The following BMPER variants were observed in gnomAD, a reference collection of about 807,000 sequenced individuals.
BMPER encodes the protein BMP-binding endothelial regulator protein.
In BMPER, 45 loss-of-function variants were observed where a neutral mutation model predicts 87.3. The observed-to-expected ratio is 0.52, with a 90% CI of 0.41 to 0.66. The LOEUF (loss-of-function observed/expected upper bound fraction) is 0.66, where lower values mean the gene tolerates loss of function less well. Among genes scored for constraint, BMPER ranks in the 30% least tolerant of loss-of-function variants. The pLI is 0.00. For missense variants in BMPER, 784 were observed against 867.5 expected (o/e 0.90, Z 1.21); for synonymous variants, 326 against 316.2 (o/e 1.03, Z -0.33).
intron 2 of BMPER, among the ~76,000 whole-genome samples, chr7:33,911,585 G>C (rs555397380): frequency 7.2e-5 from 11 of 152,150 alleles, no homozygotes; most frequent in Non-Finnish European, 1.3e-4. Context: ...GGTTTTGGCT[G>C]GCATCATAAC....
intron 3 of BMPER, 24 bp downstream of exon 3, chr7:33,937,412 C>G (rs762629499): frequency 1.2e-6 from 2 of 1,604,060 alleles, no homozygotes; most frequent in East Asian, 4.5e-5. Context: ...TGGCCGTCTT[C>G]TCTTCTGGCT....
At position 34,039,785 on chromosome 7, in the gene BMPER, C is replaced by A. The variant is rs74586709; in HGVS notation, c.577-6521C>A. Among the ~76,000 whole-genome samples, 1,011 of 152,022 alleles carry A rather than the reference C, an allele frequency of 6.7e-3. 10 individuals carry two copies. The highest frequency in any genetic ancestry group is 0.023 in the African/African-American group (942 of 41,450). On this transcript the variant is annotated intron_variant, in intron 6 of 14. Transcript: ENST00000649409. ...TTTTAAAGTATTATATGCTCTGGGGCAGTAAGTGCACTGCCCTCTAGCTCT... is the reference window on the plus strand; with the variant it reads ...TTTTAAAGTATTATATGCTCTGGGGAAGTAAGTGCACTGCCCTCTAGCTCT...
intron 13 of BMPER, among the ~76,000 whole-genome samples, chr7:34,139,684 G>A (rs1454988202): frequency 6.6e-6 from 1 of 152,106 alleles, no homozygotes; most frequent in Non-Finnish European, 1.5e-5. Context: ...GTGATGACAC[G>A]ATGTTGAAAC....
intron 3 of BMPER, among the ~76,000 whole-genome samples, chr7:33,951,744 C>T (rs547363679): frequency 6.6e-6 from 1 of 152,116 alleles, no homozygotes; most frequent in South Asian, 2.1e-4. Context: ...TTCAATCTTC[C>T]TAGTTCAGCA....
Position 34,109,593 on chromosome 7 carries a change from A to T in BMPER, c.1745+23501A>T, listed in dbSNP as rs554561993. On this transcript the variant is annotated intron_variant, in intron 13 of 14. Coordinates refer to ENST00000649409, the MANE Select transcript of BMPER (RefSeq NM_001365308.1). ...CTTTCTCAGGTTTCTCTACTGGTAT[A>T]ATAAACAAAATAGTAAAAAGAGGTT... Among the ~76,000 whole-genome samples the T allele has an allele frequency of 9.7e-4, 148 of 152,344 alleles. 1 individual carries two copies. Among genetic ancestry groups the T allele is most frequent in the African/African-American group, 3.3e-3 (139 of 41,586 alleles).
At chr7:34,117,633 A>G (rs147264769) in intron 13 of BMPER, among the ~76,000 whole-genome samples, 76 of 152,192 alleles carry the variant, frequency 5.0e-4, no homozygotes, top group African/African-American at 1.6e-3. Context: ...TACTACTATA[A>G]TTTTTTCATT....
chr7:33,948,965 C>T (rs143708718), intron 3 of BMPER, among the ~76,000 whole-genome samples: 195 of 152,052 alleles, frequency 1.3e-3, no homozygotes, highest in African/African-American at 4.5e-3. Context: ...GAAATGAACT[C>T]GGCAGTTCTT....
rs889970235 is a variant in BMPER at position 34,153,101 on chromosome 7, G to A, written c.1886G>A (p.Cys629Tyr). ...TCCTTCTCTTTTTCAGCCACCCAGT[G>A]TAAGCATGGTGCTGTGTACGATACC... Reference protein sequence around the residue: ...EPQQNCAATQCKHGAVYDTCG... With the variant: ...EPQQNCAATQYKHGAVYDTCG... Residue 629 changes from cysteine (C) to tyrosine (Y), a missense_variant, in exon 15 of 15, where the codon TGT becomes TAT. Transcript: ENST00000649409. 1.9e-6 allele frequency: 3 copies of A among 1,614,016 alleles called. No individual in the cohort carries two copies. Among genetic ancestry groups the A allele is most frequent in the Non-Finnish European group, 2.5e-6 (3 of 1,179,920 alleles).
At chr7:33,921,108 T>C (rs1043148743) in intron 2 of BMPER, among the ~76,000 whole-genome samples, 1 of 152,206 alleles carries the variant, frequency 6.6e-6, no homozygotes, top group Non-Finnish European at 1.5e-5. Flanking sequence ...TAACCCTTAC[T>C]CCTCTCTCCT....
chr7:34,070,836 T>TTTC (rs1554313846), intron 11 of BMPER, among the ~76,000 whole-genome samples: 1 of 147,898 alleles, frequency 6.8e-6, no homozygotes, highest in East Asian at 1.9e-4. Flanking sequence ...TTTTTTTTTT[T>TTTC]AATTTCTACT....
chr7:34,088,640 A>C (rs973027625), intron 13 of BMPER, among the ~76,000 whole-genome samples: 5 of 152,162 alleles, frequency 3.3e-5, no homozygotes, highest in Admixed American at 3.3e-4. Context: ...CTTTATCGAA[A>C]GAACTGATAC....
At chr7:34,076,977 G>A (rs1032301643) in intron 11 of BMPER, among the ~76,000 whole-genome samples, 1 of 152,166 alleles carries the variant, frequency 6.6e-6, no homozygotes, top group African/African-American at 2.4e-5. Flanking sequence ...TGGAGTTAAG[G>A]ACCTGGAAAA....
At chr7:34,116,359 C>T (rs1406862609) in intron 13 of BMPER, among the ~76,000 whole-genome samples, 4 of 151,924 alleles carry the variant, frequency 2.6e-5, no homozygotes, top group African/African-American at 9.7e-5. Flanking sequence ...AGTTTTTTTT[C>T]CACCTGCCTT....
chr7:33,965,940 A>T (rs1453498166), intron 3 of BMPER, among the ~76,000 whole-genome samples: 3 of 152,226 alleles, frequency 2.0e-5, no homozygotes, highest in Non-Finnish European at 4.4e-5. Flanking sequence ...GTAAGTATGA[A>T]ATTATAGCTC....
intron 13 of BMPER, among the ~76,000 whole-genome samples, chr7:34,089,849 G>A (rs947583501): frequency 1.3e-5 from 2 of 152,112 alleles, no homozygotes; most frequent in African/African-American, 4.8e-5. Context: ...ATTTTTAATA[G>A]TAAACAGTCC....
chr7:34,066,197 A>C (rs1353291437), intron 11 of BMPER, among the ~76,000 whole-genome samples: 1 of 152,220 alleles, frequency 6.6e-6, no homozygotes, highest in Non-Finnish European at 1.5e-5. Context: ...AACAGTCAGC[A>C]GTAATGGTAA....
chr7:33,915,673 G>T (rs1013918343), intron 2 of BMPER, among the ~76,000 whole-genome samples: 2 of 152,132 alleles, frequency 1.3e-5, no homozygotes, highest in Non-Finnish European at 2.9e-5. Context: ...GTTGGCTGTG[G>T]GCATTAACTG....
intron 2 of BMPER, among the ~76,000 whole-genome samples, chr7:33,928,113 C>G (rs761032306): frequency 3.9e-5 from 6 of 152,114 alleles, no homozygotes; most frequent in Non-Finnish European, 7.4e-5. Flanking sequence ...CCGCACCGAC[C>G]CCATCCCACA....
In BMPER at chr7:33,921,191, G is replaced by T. The variant is rs559391578; in HGVS notation, c.219+14288G>T. ...GAAGCTTCTTCAGGGTAGGAATAGC[G>T]TCTAATTCTCATGATCAAAATATCT... On this transcript the variant is annotated intron_variant, in intron 2 of 14. Coordinates refer to ENST00000649409, the MANE Select transcript of BMPER (RefSeq NM_001365308.1). Among the ~76,000 whole-genome samples, 10 of 152,276 alleles carry T rather than the reference G, an allele frequency of 6.6e-5. No individual in the cohort carries two copies. The East Asian group carries it at 1.9e-3, about 29-fold the overall frequency.
Sources: allele counts gnomAD v4.1 joint callset (sites outside exome capture counted in the v4.1 genomes callset), GRCh38; gene constraint gnomAD v4.1.1; transcripts MANE v1.5; gene names NCBI Gene and HGNC (gene_info 2026-07-23, HGNC 2026-07-21).